ATP8A2: variants seen among roughly 807,000 people sequenced by gnomAD.
ATP8A2 encodes ATPase phospholipid transporting 8A2.
In ATP8A2, 100 loss-of-function variants were observed where a neutral mutation model predicts 165.6. The ratio of observed to expected loss-of-function variants is 0.60; its 90% CI spans 0.51 to 0.71. The LOEUF is 0.71. Among genes scored for constraint, ATP8A2 ranks in the 30% least tolerant of loss-of-function variants. ATP8A2 has a pLI of 0.00. For missense variants in ATP8A2, 1,227 were observed against 1,479.5 expected (o/e 0.83, Z 2.80); for synonymous variants, 543 against 548.8 (o/e 0.99, Z 0.15).
chr13:25,909,178 A>G (rs1954033858), intron 33 of ATP8A2, among the ~76,000 whole-genome samples: 1 of 152,142 alleles, frequency 6.6e-6, no homozygotes, highest in Non-Finnish European at 1.5e-5. Context: ...TTCTATTGCA[A>G]AGTAGAGTGA....
intron 1 of ATP8A2, among the ~76,000 whole-genome samples, chr13:25,438,798 A>G (rs1025277991): frequency 9.8e-5 from 15 of 152,302 alleles, no homozygotes; most frequent in African/African-American, 3.6e-4. Flanking sequence ...GTTTTATTTC[A>G]TTTCACTTTA....
intron 1 of ATP8A2, among the ~76,000 whole-genome samples, chr13:25,410,108 C>T (rs567639527): frequency 6.6e-6 from 1 of 151,606 alleles, no homozygotes; most frequent in East Asian, 2.0e-4. Context: ...CTGCACGGCT[C>T]TTGCTGTAGT....
intron 33 of ATP8A2, chr13:25,927,348 T>C (rs1490170998): frequency 2.7e-6 from 1 of 370,678 alleles, no homozygotes; most frequent in Non-Finnish European, 5.5e-6. Flanking sequence ...TCTTTGAAAA[T>C]AAATCAGGTT....
At chr13:25,487,138 C>T (rs1188745892) in intron 2 of ATP8A2, among the ~76,000 whole-genome samples, 1 of 152,134 alleles carries the variant, frequency 6.6e-6, no homozygotes, top group Non-Finnish European at 1.5e-5. Flanking sequence ...CCATAAAATT[C>T]TCAAATACAA....
At chr13:25,773,667 A>C (rs139812804) in intron 26 of ATP8A2, among the ~76,000 whole-genome samples, 1 of 152,184 alleles carries the variant, frequency 6.6e-6, no homozygotes, top group Non-Finnish European at 1.5e-5. Flanking sequence ...AGAAGACAAA[A>C]TGGGTCAAGA....
At chr13:25,510,127 T>G (rs1353446875) in intron 2 of ATP8A2, among the ~76,000 whole-genome samples, 1 of 151,986 alleles carries the variant, frequency 6.6e-6, no homozygotes, top group East Asian at 1.9e-4. Context: ...ACAAGAAATT[T>G]CTTTCTCTCT....
intron 1 of ATP8A2, among the ~76,000 whole-genome samples, chr13:25,462,059 T>C (rs559633013): frequency 6.6e-6 from 1 of 152,348 alleles, no homozygotes; most frequent in African/African-American, 2.4e-5. Context: ...AAGCAACCTG[T>C]TCTATTAAAG....
chr13:25,743,766 C>T (rs2043967772), intron 25 of ATP8A2, among the ~76,000 whole-genome samples: 2 of 152,220 alleles, frequency 1.3e-5, no homozygotes, highest in Admixed American at 1.3e-4. Context: ...GTTTCATCCA[C>T]TTCACCTGTT....
At chr13:25,731,736 A>C (rs548749192) in intron 25 of ATP8A2, among the ~76,000 whole-genome samples, 1 of 152,390 alleles carries the variant, frequency 6.6e-6, no homozygotes, top group South Asian at 2.1e-4. Context: ...GCAGAATCCA[A>C]CTAACACTCG....
chr13:25,612,308 A>G (rs2040709051), intron 24 of ATP8A2, among the ~76,000 whole-genome samples: 1 of 152,146 alleles, frequency 6.6e-6, no homozygotes, highest in Non-Finnish European at 1.5e-5. Flanking sequence ...CCTTTGTCGT[A>G]TCCCAGAGGT....
At chr13:25,712,506 T>A (rs1307631765) in intron 25 of ATP8A2, among the ~76,000 whole-genome samples, 1 of 152,220 alleles carries the variant, frequency 6.6e-6, no homozygotes, top group Non-Finnish European at 1.5e-5. Context: ...GGGCCAGACT[T>A]TGAGCATCCT....
Position 25,518,891 on chromosome 13 carries a change from G to A in ATP8A2, c.222-11108G>A, listed in dbSNP as rs373021050. Among the ~76,000 whole-genome samples, 6 of 152,314 alleles carry A rather than the reference G, an allele frequency of 3.9e-5. No individual in the cohort carries two copies. The East Asian group carries it at 9.7e-4, about 25-fold the overall frequency. On this transcript the variant is annotated intron_variant, in intron 2 of 36. Coordinates refer to ENST00000381655, the MANE Select transcript of ATP8A2 (RefSeq NM_016529.6). ...CACCCCATGAGTTGGGCTCCTCAGA[G>A]GAGGGTTTGCAGATAGATATTATTG...
chr13:25,946,728 T>C (rs1239123241), intron 33 of ATP8A2, among the ~76,000 whole-genome samples: 2 of 137,392 alleles, frequency 1.5e-5, no homozygotes, highest in African/African-American at 5.5e-5. Context: ...AAATGTATTG[T>C]GAAAATGTTA....
chr13:25,468,872 T>C lies in ATP8A2; in HGVS notation c.77-105T>C, dbSNP rs879061795. On this transcript the variant is annotated intron_variant, in intron 1 of 36. Transcript: ENST00000381655. Reference sequence around the variant, plus strand: ...AGGCGGCGTCCGCCTCACCCGAGCATCCTTCCCCGCCGGTGGCCGCCCGCC... The same window carrying C: ...AGGCGGCGTCCGCCTCACCCGAGCACCCTTCCCCGCCGGTGGCCGCCCGCC... The C allele has an allele frequency of 3.2e-5, 50 of 1,541,176 alleles. 1 individual carries two copies. In the South Asian group the frequency reaches 6.0e-4, roughly 18 times the overall value.
At position 25,581,891 on chromosome 13, in the gene ATP8A2, C is replaced by A. The variant is rs1475401567; in HGVS notation, c.2080C>A (p.Leu694Met). The A allele has an allele frequency of 6.2e-7, 1 of 1,613,748 alleles. No individual in the cohort carries two copies. The highest frequency in any genetic ancestry group is 1.1e-5 in the South Asian group (1 of 91,052). ...AGGAGTTCCAGAAACCATCGCAACA[C>A]TGTTGAAGGCAGAAATTAAAATATG... ...QAGVPETIAT[L>M]LKAEIKIWVL... The change falls in exon 23 of 37, where the codon CTG (leucine) becomes ATG (methionine). Residue 694 changes from leucine (L) to methionine (M), a missense_variant. Coordinates refer to ENST00000381655, the MANE Select transcript of ATP8A2 (RefSeq NM_016529.6).
At chr13:25,793,010 G>T (rs1025853650) in intron 27 of ATP8A2, among the ~76,000 whole-genome samples, 5 of 145,190 alleles carry the variant, frequency 3.4e-5, no homozygotes, top group Non-Finnish European at 4.5e-5. Context: ...AGAGGGGAGG[G>T]CAGGAGAGAA....
intron 35 of ATP8A2, among the ~76,000 whole-genome samples, chr13:25,992,176 T>G (rs1370175179): frequency 6.6e-6 from 1 of 151,948 alleles, no homozygotes; most frequent in Non-Finnish European, 1.5e-5. Flanking sequence ...GATGCATGAG[T>G]GATCTAGTTT....
intron 10 of ATP8A2, among the ~76,000 whole-genome samples, chr13:25,549,111 G>A (rs568812095): frequency 1.3e-5 from 2 of 152,254 alleles, no homozygotes; most frequent in South Asian, 4.1e-4. Context: ...TTTATGGTTA[G>A]TGCCTTACAA....
intron 24 of ATP8A2, among the ~76,000 whole-genome samples, chr13:25,609,544 T>TATATATATATATATTTGGGATTCAA (rs1565976887): frequency 6.9e-6 from 1 of 144,466 alleles, no homozygotes; most frequent in African/African-American, 2.6e-5. Flanking sequence ...GGGATTCAAA[T>TATATATATATATATTTGGGATTCAA]ATATATATAT....
Sources: gnomAD v4.1 joint callset for allele counts (sites outside exome capture counted in the v4.1 genomes callset) on GRCh38, gnomAD v4.1.1 for gene constraint, MANE v1.5 for transcripts, NCBI Gene and HGNC (gene_info 2026-07-23, HGNC 2026-07-21) for gene names.